TASP1: variants seen among roughly 807,000 people sequenced by gnomAD.
The protein encoded by TASP1 is taspase 1, also known as threonine aspartase 1.
Under a neutral mutation model 56.6 loss-of-function variants are expected in TASP1, and 16 were observed. The ratio of observed to expected loss-of-function variants is 0.28; its 90% CI spans 0.19 to 0.43. The LOEUF (loss-of-function observed/expected upper bound fraction) is 0.43. TASP1 is among the 20% of genes least tolerant of loss of function. The probability of loss-of-function intolerance (pLI) is 1.00; values close to 1 mark genes in which losing one functional copy is unlikely to be tolerated. For synonymous variants in TASP1, 179 were observed against 184.2 expected (o/e 0.97, Z 0.23); for missense variants, 393 against 511.6 (o/e 0.77, Z 2.24).
the TASP1 span, among the ~76,000 whole-genome samples, chr20:13,214,332 T>C: frequency 4.6e-5 from 7 of 152,164 alleles, no homozygotes; most frequent in Admixed American, 2.6e-4. Context: ...CTGGGTGCTT[T>C]CTCTGGTTTC....
chr20:13,194,888 C>T, the TASP1 span, among the ~76,000 whole-genome samples: 1 of 152,072 alleles, frequency 6.6e-6, no homozygotes, highest in Non-Finnish European at 1.5e-5. Flanking sequence ...TAAGGCTCAT[C>T]CCTGTAACCA....
the TASP1 span, among the ~76,000 whole-genome samples, chr20:13,174,861 T>C: frequency 9.2e-5 from 14 of 152,118 alleles, no homozygotes; most frequent in African/African-American, 3.4e-4. Context: ...CCACATGTCA[T>C]GGGCAGGGTC....
At chr20:13,590,663 C>A (rs6109966) in intron 4 of TASP1, among the ~76,000 whole-genome samples, 1 of 151,932 alleles carries the variant, frequency 6.6e-6, no homozygotes, top group Non-Finnish European at 1.5e-5. Flanking sequence ...GTCAGGCATT[C>A]GAGACCAGCC....
chr20:13,510,723 C>T (rs3789344), intron 10 of TASP1, among the ~76,000 whole-genome samples: 30,517 of 152,032 alleles, frequency 0.2, 3,313 homozygotes, highest in Middle Eastern at 0.28. Context: ...GCATTCAGGC[C>T]CTGTTTGACC....
At chr20:13,136,278 C>A in the TASP1 span, among the ~76,000 whole-genome samples, 34 of 152,160 alleles carry the variant, frequency 2.2e-4, no homozygotes, top group African/African-American at 8.2e-4. Flanking sequence ...TCCTGGAAAA[C>A]AATAGCTATT....
chr20:13,302,884 AC>A, the TASP1 span, among the ~76,000 whole-genome samples: 1 of 152,096 alleles, frequency 6.6e-6, no homozygotes, highest in African/African-American at 2.4e-5. Context: ...TTCTCTTCGG[AC>A]CCAGTTCATG....
chr20:13,195,149 T>C, the TASP1 span, among the ~76,000 whole-genome samples: 2 of 152,188 alleles, frequency 1.3e-5, no homozygotes, highest in Non-Finnish European at 2.9e-5. Flanking sequence ...TTACTTTTAA[T>C]GGCAAAAACC....
chr20:13,552,222 G>C (rs1047184730), intron 8 of TASP1, among the ~76,000 whole-genome samples: 2 of 152,020 alleles, frequency 1.3e-5, no homozygotes, highest in African/African-American at 4.8e-5. Context: ...CATCTCCTTG[G>C]TTCACAAACC....
the TASP1 span, among the ~76,000 whole-genome samples, chr20:13,221,593 C>T: frequency 2.7e-5 from 4 of 146,298 alleles, no homozygotes; most frequent in East Asian, 6.1e-4. Flanking sequence ...GCTCCTGCTC[C>T]CCCGGCCCCG....
the TASP1 span, among the ~76,000 whole-genome samples, chr20:13,290,757 C>T: frequency 6.6e-6 from 1 of 152,266 alleles, no homozygotes; most frequent in East Asian, 1.9e-4. Flanking sequence ...AAGTGTCAAG[C>T]AAATGGCTAA....
chr20:13,426,684 T>C (rs1448813613), intron 12 of TASP1, among the ~76,000 whole-genome samples: 2 of 152,160 alleles, frequency 1.3e-5, no homozygotes, highest in Non-Finnish European at 2.9e-5. Context: ...CACTACTTCA[T>C]CAGATTAATG....
chr20:13,300,895 A>C, the TASP1 span, among the ~76,000 whole-genome samples: 6 of 152,238 alleles, frequency 3.9e-5, no homozygotes, highest in Non-Finnish European at 5.9e-5. Context: ...AGGAAGCCAA[A>C]CCAGAGCAAA....
intron 4 of TASP1, among the ~76,000 whole-genome samples, chr20:13,601,681 T>C (rs577616527): frequency 6.1e-4 from 93 of 152,096 alleles, no homozygotes; most frequent in Non-Finnish European, 1.2e-3. Context: ...ATACAGTATA[T>C]GTGTAGAGGG....
intron 4 of TASP1, among the ~76,000 whole-genome samples, chr20:13,596,536 G>A (rs1240679356): frequency 2.0e-5 from 3 of 152,194 alleles, no homozygotes; most frequent in Non-Finnish European, 4.4e-5. Flanking sequence ...AAAGCAGTGT[G>A]TAGACGGAAA....
At chr20:13,330,528 T>C in the TASP1 span, among the ~76,000 whole-genome samples, 3 of 152,174 alleles carry the variant, frequency 2.0e-5, no homozygotes, top group Non-Finnish European at 4.4e-5. Flanking sequence ...ACTGGCCCCA[T>C]AAAAAATTGG....
At chr20:13,545,979 A>C (rs2045794992) in intron 8 of TASP1, among the ~76,000 whole-genome samples, 1 of 152,120 alleles carries the variant, frequency 6.6e-6, no homozygotes, top group South Asian at 2.1e-4. Flanking sequence ...CCATCCAGTT[A>C]ATTCCTGTGG....
intron 11 of TASP1, among the ~76,000 whole-genome samples, chr20:13,463,499 TA>T (rs145511830): frequency 0.059 from 8,912 of 151,710 alleles, 372 homozygotes; most frequent in African/African-American, 0.12. Context: ...AGGCAACAAA[TA>T]AAAAAACAGG....
chr20:13,600,625 A>T (rs1369670197), intron 4 of TASP1: 1 of 152,220 alleles, frequency 6.6e-6, no homozygotes, highest in Non-Finnish European at 1.5e-5. Flanking sequence ...ACACTGTAAA[A>T]GAAAAAACAG....
At chr20:13,629,660 A>G (rs190343265) in intron 2 of TASP1, among the ~76,000 whole-genome samples, 2 of 152,196 alleles carry the variant, frequency 1.3e-5, no homozygotes, top group Admixed American at 1.3e-4. Context: ...TGGTTTTAAT[A>G]CTACCTAACC....
Sources: allele counts gnomAD v4.1 joint callset (sites outside exome capture counted in the v4.1 genomes callset), GRCh38; gene constraint gnomAD v4.1.1; transcripts MANE v1.5; gene names NCBI Gene and HGNC (gene_info 2026-07-23, HGNC 2026-07-21).